The following MLLT3 variants were observed in gnomAD, a reference collection of about 807,000 sequenced individuals.
The protein encoded by MLLT3 is protein AF-9.
A neutral mutation model predicts 53.2 loss-of-function variants in MLLT3; 4 were observed. The observed-to-expected ratio is 0.08, with a 90% CI of 0.04 to 0.17. MLLT3 has a LOEUF of 0.17. Among genes scored for constraint, MLLT3 ranks in the 10% least tolerant of loss-of-function variants. The pLI is 1.00. For synonymous variants in MLLT3, 283 were observed against 230.6 expected, an observed-to-expected ratio of 1.23 and a Z score of -2.06; for missense variants, 569 against 684.0, an observed-to-expected ratio of 0.83 and a Z score of 1.87.
intron 2 of MLLT3, among the ~76,000 whole-genome samples, chr9:20,548,146 T>C (rs1818838217): frequency 6.6e-6 from 1 of 152,204 alleles, no homozygotes; most frequent in African/African-American, 2.4e-5. Context: ...AAGCCTCTTG[T>C]TTAAGTTTAA....
rs1017000668 is a variant in MLLT3 at position 20,343,852 on chromosome 9, T to C, written c.*2591A>G. 15 of 209,166 alleles carry C rather than the reference T, an allele frequency of 7.2e-5. No homozygotes were observed. The highest frequency in any genetic ancestry group is 2.5e-4 in the African/African-American group (11 of 44,202). 13.0% of individuals were successfully genotyped at this position (209,166 alleles called of 1,614,324 possible). ...GGCTTCAAAGTTGGGTGTATATAAATGTGACAGAACTGAAGGGGTTACTTT... is the reference window on the plus strand; with the variant it reads ...GGCTTCAAAGTTGGGTGTATATAAACGTGACAGAACTGAAGGGGTTACTTT... On this transcript the variant is annotated 3_prime_UTR_variant, in exon 11 of 11. Coordinates refer to ENST00000380338, the MANE Select transcript of MLLT3 (RefSeq NM_004529.4).
At chr9:20,378,753 A>G (rs1394082391) in intron 5 of MLLT3, among the ~76,000 whole-genome samples, 3 of 152,090 alleles carry the variant, frequency 2.0e-5, no homozygotes, top group East Asian at 1.9e-4. Context: ...TTGTAAAAAT[A>G]TATCTATTTT....
At chr9:20,422,548 C>G (rs931191255) in intron 4 of MLLT3, among the ~76,000 whole-genome samples, 4 of 152,122 alleles carry the variant, frequency 2.6e-5, no homozygotes, top group African/African-American at 9.7e-5. Context: ...AGCAATCATC[C>G]TAACAGTTAA....
intron 2 of MLLT3, chr9:20,532,963 G>C (rs560079235): frequency 1.1e-5 from 3 of 261,192 alleles, no homozygotes; most frequent in Admixed American, 4.9e-5. Context: ...CCTGTCCTTC[G>C]AGCAGGAGTT....
At chr9:20,360,678 G>GCTTTGTAAAAATGATTACAC in intron 8 of MLLT3, 64 bp downstream of exon 8, 17 of 1,346,074 alleles carry the variant, frequency 1.3e-5, no homozygotes, top group Non-Finnish European at 1.7e-5. Flanking sequence ...AGTTTTGCAT[G>GCTTTGTAAAAATGATTACAC]CTTTGTAAAA....
intron 4 of MLLT3, among the ~76,000 whole-genome samples, chr9:20,430,780 A>G (rs1322578084): frequency 6.6e-6 from 1 of 152,120 alleles, no homozygotes; most frequent in Non-Finnish European, 1.5e-5. Flanking sequence ...ATCAAAAGAT[A>G]CCATAAAGTA....
chr9:20,559,544 G>T (rs999936457), intron 2 of MLLT3, among the ~76,000 whole-genome samples: 5 of 152,134 alleles, frequency 3.3e-5, no homozygotes, highest in African/African-American at 1.2e-4. Flanking sequence ...TATTATATGG[G>T]GATATTTATT....
chr9:20,506,284 G>A (rs112467940), intron 2 of MLLT3, among the ~76,000 whole-genome samples: 8 of 152,070 alleles, frequency 5.3e-5, no homozygotes, highest in African/African-American at 1.4e-4. Flanking sequence ...CAGGAGATCC[G>A]CCCACCTCAG....
intron 2 of MLLT3, among the ~76,000 whole-genome samples, chr9:20,595,875 C>G (rs190389977): frequency 7.2e-5 from 11 of 152,324 alleles, no homozygotes; most frequent in African/African-American, 2.6e-4. Flanking sequence ...GTTACCATTT[C>G]TCTACCTAGC....
chr9:20,363,886 TAAAAAG>T (rs1016872616), intron 6 of MLLT3, among the ~76,000 whole-genome samples: 2 of 152,152 alleles, frequency 1.3e-5, no homozygotes, highest in Non-Finnish European at 2.9e-5. Flanking sequence ...AAATTATACA[TAAAAAG>T]AAAAAGAAAA....
intron 4 of MLLT3, among the ~76,000 whole-genome samples, chr9:20,447,351 C>T (rs1823730684): frequency 6.6e-6 from 1 of 152,144 alleles, no homozygotes; most frequent in South Asian, 2.1e-4. Flanking sequence ...GAGAAAAGAA[C>T]ACATCTCAAA....
At chr9:20,422,605 G>GT (rs532397219) in intron 4 of MLLT3, among the ~76,000 whole-genome samples, 1 of 152,164 alleles carries the variant, frequency 6.6e-6, no homozygotes, top group Non-Finnish European at 1.5e-5. Context: ...GATGCTGACC[G>GT]TTCAAGGAGA....
intron 2 of MLLT3, among the ~76,000 whole-genome samples, chr9:20,528,988 C>T (rs184632133): frequency 6.6e-6 from 1 of 152,108 alleles, no homozygotes. Context: ...ACACTGAAGG[C>T]CAAAATCAAG....
At chr9:20,424,066 G>A (rs187587228) in intron 4 of MLLT3, among the ~76,000 whole-genome samples, 17 of 152,270 alleles carry the variant, frequency 1.1e-4, no homozygotes, top group African/African-American at 4.1e-4. Context: ...AAGGCATACA[G>A]GAGGATGTGC....
At chr9:20,463,286 G>A (rs970594188) in intron 2 of MLLT3, among the ~76,000 whole-genome samples, 18 of 151,644 alleles carry the variant, frequency 1.2e-4, no homozygotes, top group Non-Finnish European at 4.4e-5. Flanking sequence ...GGGGGTGGGG[G>A]GGAGGAGAAA....
chr9:20,369,084 G>C (rs1353258815), intron 5 of MLLT3, among the ~76,000 whole-genome samples: 1 of 152,180 alleles, frequency 6.6e-6, no homozygotes. Flanking sequence ...GAGTGGGACA[G>C]GACCCTGGAA....
At chr9:20,464,436 T>A (rs1163393107) in intron 2 of MLLT3, among the ~76,000 whole-genome samples, 1 of 152,078 alleles carries the variant, frequency 6.6e-6, no homozygotes, top group Non-Finnish European at 1.5e-5. Flanking sequence ...AATAAACTTA[T>A]ATCCACTGTT....
At chr9:20,454,589 G>C (rs986630216) in intron 3 of MLLT3, among the ~76,000 whole-genome samples, 1 of 152,156 alleles carries the variant, frequency 6.6e-6, no homozygotes, top group African/African-American at 2.4e-5. Context: ...GATCATAATT[G>C]CCTATTCTTT....
chr9:20,414,312 A>G lies in MLLT3; in HGVS notation c.534T>C (p.Ser178=), dbSNP rs148318848. Residue 178 remains serine (S), a synonymous_variant, in exon 5 of 11, where the codon AGT becomes AGC. Coordinates refer to ENST00000380338, the MANE Select transcript of MLLT3 (RefSeq NM_004529.4). ...TGCTGCTGCTGCTACTGCTGCTGCT[A>G]CTGCTGCTGCTGCTGCTGCTGCTGC... ...SSSSSSSSSS[S]SSSSSSSSSS... is the part of the protein sequence containing the mutation. 4.3e-3 allele frequency: 6,668 copies of G among 1,564,904 alleles called. 28 individuals are homozygous for G. Among genetic ancestry groups the G allele is most frequent in the South Asian group, 0.017 (1,477 of 87,396 alleles).
Sources: gnomAD v4.1 joint callset for allele counts (sites outside exome capture counted in the v4.1 genomes callset) on GRCh38, gnomAD v4.1.1 for gene constraint, MANE v1.5 for transcripts, NCBI Gene and HGNC (gene_info 2026-07-23, HGNC 2026-07-21) for gene names.